MAN2B2: variants seen among roughly 807,000 people sequenced by gnomAD.
The protein encoded by MAN2B2 is epididymis-specific alpha-mannosidase.
A neutral mutation model predicts 117.1 loss-of-function variants in MAN2B2; 106 were observed. The ratio of observed to expected loss-of-function variants is 0.90; its 90% CI spans 0.77 to 1.06. The LOEUF (loss-of-function observed/expected upper bound fraction) is 1.06, where lower values mean the gene tolerates loss of function less well. Ranked by LOEUF, MAN2B2 falls within the 50% of genes least tolerant of loss-of-function variation. The probability of loss-of-function intolerance (pLI) is 0.00; values close to 1 mark genes in which losing one functional copy is unlikely to be tolerated. For missense variants in MAN2B2, 1,326 were observed against 1,381.4 expected (o/e 0.96, Z 0.64); for synonymous variants, 544 against 595.1 (o/e 0.91, Z 1.25).
In MAN2B2 at chr4:6,589,107, C is replaced by T. The variant is rs1264278783; in HGVS notation, c.627C>T (p.His209=). The change falls in exon 5 of 19, where the codon CAC becomes CAT. Residue 209 remains histidine, a synonymous_variant. Transcript: ENST00000285599. ...SLSERQEIFT[H]IMDQYSYCTP... ...CAGAGCGGCAGGAAATCTTCACGCA[C>T]ATCATGGACCAGTACAGCTACTGCA... is the stretch of plus-strand genomic sequence containing the variant. The T allele has an allele frequency of 6.2e-7, 1 of 1,614,228 alleles. No homozygotes were observed. Among genetic ancestry groups the T allele is most frequent in the South Asian group, 1.1e-5 (1 of 91,084 alleles).
intron 6 of MAN2B2, 67 bp downstream of exon 6, chr4:6,593,417 C>T: frequency 6.7e-7 from 1 of 1,490,098 alleles, no homozygotes; most frequent in Non-Finnish European, 9.0e-7. Context: ...GCCCTGGTCC[C>T]TGCACCCAGG....
In MAN2B2 at chr4:6,621,147, C is replaced by T. The variant is rs528191694; in HGVS notation, c.2933-41C>T. ...GGGTGAGAGGGAGGCTGGGAGGAGG[C>T]ATCCCAGGCCACACTGGACAGATCA... On this transcript the variant is annotated intron_variant, in intron 18 of 18. Transcript: ENST00000285599. 2.4e-5 allele frequency: 36 copies of T among 1,469,856 alleles called. No individual in the cohort carries two copies. In the South Asian group the frequency reaches 3.8e-4, roughly 15 times the overall value. The allele number at this position is 1,469,856 out of a possible 1,614,324, so 91.1% of individuals were successfully genotyped here.
rs1379565908 is a variant in MAN2B2, at chr4:6,576,563, C to T, written c.139-15C>T. The T allele has an allele frequency of 6.2e-7, 1 of 1,608,708 alleles. No individual in the cohort carries two copies. The highest frequency in any genetic ancestry group is 2.2e-5 in the East Asian group (1 of 44,724). On this transcript the variant is annotated splice_polypyrimidine_tract_variant and intron_variant, in intron 1 of 18. Transcript: ENST00000285599. ...TTGTTGGACCGGGGCTGGCATGATGCTGTCCCCTCCCCAGGAAAGCATGCG... is the reference window on the plus strand; with the variant it reads ...TTGTTGGACCGGGGCTGGCATGATGTTGTCCCCTCCCCAGGAAAGCATGCG...
At chr4:6,577,383 T>C (rs904318941) in intron 2 of MAN2B2, among the ~76,000 whole-genome samples, 1 of 152,192 alleles carries the variant, frequency 6.6e-6, no homozygotes, top group Non-Finnish European at 1.5e-5. Flanking sequence ...CTCCCAGGTA[T>C]CCACCTGCCT....
At chr4:6,576,453 G>C in intron 1 of MAN2B2, 125 bp from the exon 2 acceptor site, 1 of 1,122,116 alleles carries the variant, frequency 8.9e-7, no homozygotes, top group Non-Finnish European at 1.3e-6. Context: ...TGTGTGGGGG[G>C]TGAGCAGCAG....
chr4:6,611,365 ATGACTCTGGGCAGCTTTTG>A, intron 15 of MAN2B2, 87 bp downstream of exon 15: 1 of 1,384,110 alleles, frequency 7.2e-7, no homozygotes, highest in Admixed American at 2.6e-5. Context: ...CTGTGCCCTC[ATGACTCTGGGCAGCTTTTG>A]GGCAGGAAGC....
At chr4:6,608,691 C>T (rs1464419093) in intron 11 of MAN2B2, among the ~76,000 whole-genome samples, 1 of 152,158 alleles carries the variant, frequency 6.6e-6, no homozygotes, top group Non-Finnish European at 1.5e-5. Context: ...AGAATTTAAC[C>T]AGGTGAAGTC....
rs546102052 is a variant in MAN2B2 at position 6,620,008 on chromosome 4, C to T, written c.2896C>T (p.Arg966Cys). Reference sequence around the variant, plus strand: ...GACCTGGGATTTGAGCATGCTGCACCGCTGGAGCTGGAGGACGGGGCCTGG... The same window carrying T: ...GACCTGGGATTTGAGCATGCTGCACTGCTGGAGCTGGAGGACGGGGCCTGG... Reference protein sequence around the residue: ...TGTWDLSMLHRWSWRTGPGRH... With the variant: ...TGTWDLSMLHCWSWRTGPGRH... The change falls in exon 18 of 19, where the codon CGC (arginine) becomes TGC (cysteine). Residue 966 changes from arginine to cysteine, a missense_variant. Arg to Cys is a radical substitution (Grantham distance 180). Coordinates refer to ENST00000285599, the MANE Select transcript of MAN2B2 (RefSeq NM_015274.3). The T allele has an allele frequency of 5.9e-5, 95 of 1,613,570 alleles. No homozygotes were observed. Among genetic ancestry groups the T allele is most frequent in the Non-Finnish European group, 7.6e-5 (90 of 1,179,868 alleles).
At chr4:6,615,927 C>A (rs796855115) in intron 16 of MAN2B2, among the ~76,000 whole-genome samples, 4 of 152,230 alleles carry the variant, frequency 2.6e-5, no homozygotes, top group African/African-American at 9.6e-5. Flanking sequence ...CCTCAGCCTC[C>A]CGAGTAGCTG....
intron 9 of MAN2B2, among the ~76,000 whole-genome samples, chr4:6,599,444 C>T (rs1163277952): frequency 2.0e-5 from 3 of 151,774 alleles, no homozygotes; most frequent in Admixed American, 6.6e-5. Context: ...GGGTGGATTA[C>T]GAGGTCAGGA....
chr4:6,620,892 G>C (rs1247068191), intron 18 of MAN2B2: 1 of 380,204 alleles, frequency 2.6e-6, no homozygotes, highest in African/African-American at 2.1e-5. Context: ...AGGCCACTAG[G>C]GCCAGGACCA....
intron 18 of MAN2B2, 54 bp from the exon 19 acceptor site, chr4:6,621,134 G>C: frequency 2.3e-6 from 3 of 1,326,212 alleles, no homozygotes; most frequent in Non-Finnish European, 3.3e-6. Context: ...GTGAGAGGGA[G>C]GCTGGGAGGA....
intron 3 of MAN2B2, among the ~76,000 whole-genome samples, chr4:6,579,973 G>A (rs1273290512): frequency 1.3e-5 from 2 of 152,226 alleles, no homozygotes; most frequent in East Asian, 3.8e-4. Flanking sequence ...AGATGGCCAG[G>A]ACTTGAGTCC....
rs546476232 is a variant in MAN2B2, at chr4:6,603,377, G to C, written c.1540-1678G>C. On this transcript the variant is annotated intron_variant, in intron 10 of 18. Transcript: ENST00000285599. ...GTGCTGGGCCCCTGGACCTGAGCGAGGCCAGGCCCCATCCCAGGACACAGA... is the reference window on the plus strand; with the variant it reads ...GTGCTGGGCCCCTGGACCTGAGCGACGCCAGGCCCCATCCCAGGACACAGA... 2.6e-5 allele frequency among the ~76,000 whole-genome samples: 4 copies of C among 152,274 alleles called. No individual in the cohort carries two copies. The East Asian group carries it at 7.8e-4, about 30-fold the overall frequency.
Position 6,621,530 on chromosome 4 carries a change from C to T in MAN2B2, c.*245C>T, listed in dbSNP as rs1270882854. ...AAGCCAGCCCTCTCCTCTTCTGTCA[C>T]GTAAAGGATATTTGGCACACTCATG... On this transcript the variant is annotated 3_prime_UTR_variant, in exon 19 of 19. Coordinates refer to ENST00000285599, the MANE Select transcript of MAN2B2 (RefSeq NM_015274.3). 3 of 459,398 alleles carry T rather than the reference C, an allele frequency of 6.5e-6. No homozygotes were observed. The highest frequency in any genetic ancestry group is 3.8e-5 in the Admixed American group (1 of 26,142). 28.5% of individuals were successfully genotyped at this position (459,398 alleles called of 1,614,324 possible).
At chr4:6,581,780 G>C (rs895486619) in intron 3 of MAN2B2, among the ~76,000 whole-genome samples, 1 of 151,310 alleles carries the variant, frequency 6.6e-6, no homozygotes, top group Non-Finnish European at 1.5e-5. Flanking sequence ...CTGGCTGCCC[G>C]CCAGGGCCTG....
At chr4:6,581,477 G>A (rs375249942) in intron 3 of MAN2B2, among the ~76,000 whole-genome samples, 2 of 152,104 alleles carry the variant, frequency 1.3e-5, no homozygotes, top group Admixed American at 6.5e-5. Context: ...TCCCTAGGGC[G>A]GGGGCAGAGT....
intron 9 of MAN2B2, among the ~76,000 whole-genome samples, chr4:6,599,554 C>G (rs1478084793): frequency 6.6e-6 from 1 of 151,790 alleles, no homozygotes; most frequent in Admixed American, 6.6e-5. Flanking sequence ...GTCCCAGCTA[C>G]TCAGGGGCTG....
At chr4:6,613,029 G>C (rs11722227) in intron 15 of MAN2B2, among the ~76,000 whole-genome samples, 33,059 of 152,202 alleles carry the variant, frequency 0.22, 3,845 homozygotes, top group African/African-American at 0.29. Context: ...TCAAAGAGCA[G>C]CTCTGTCTTC....
Sources: allele counts gnomAD v4.1 joint callset (sites outside exome capture counted in the v4.1 genomes callset), GRCh38; gene constraint gnomAD v4.1.1; transcripts MANE v1.5; gene names NCBI Gene and HGNC (gene_info 2026-07-23, HGNC 2026-07-21).